SNAP25: variants seen among roughly 807,000 people sequenced by gnomAD.
SNAP25 encodes the protein synaptosome associated protein 25.
SNAP25 carries 3 observed loss-of-function variants against 28.7 expected under a neutral mutation model. That is an observed-to-expected ratio of 0.10 (90% confidence interval 0.05 to 0.27). The LOEUF (loss-of-function observed/expected upper bound fraction) is 0.27, where lower values mean the gene tolerates loss of function less well. SNAP25 is among the 10% of genes least tolerant of loss of function. The pLI, the probability that SNAP25 is intolerant of heterozygous loss-of-function variation, is 1.00. For synonymous variants in SNAP25, 61 were observed against 88.1 expected (o/e 0.69, Z 1.72); for missense variants, 117 against 278.7 (o/e 0.42, Z 4.13).
At chr20:10,299,875 A>G (rs77615545) in intron 7 of SNAP25, among the ~76,000 whole-genome samples, 4,888 of 152,340 alleles carry the variant, frequency 0.032, 258 homozygotes, top group African/African-American at 0.11. Flanking sequence ...CTTTGAATTG[A>G]ATCTTGAAGG....
In SNAP25 at chr20:10,285,686, G is replaced by T. The variant is rs143670687; in HGVS notation, c.163+914G>T. Among the ~76,000 whole-genome samples the T allele has an allele frequency of 1.6e-3, 250 of 151,892 alleles. 2 individuals carry two copies. The highest frequency in any genetic ancestry group is 5.6e-3 in the African/African-American group (230 of 41,358). ...ACTCTAAGCATAAATCTCAAGCTGT[G>T]GGGGGGAACGTGCCTGACAGATAAC... On this transcript the variant is annotated intron_variant, in intron 4 of 7. Coordinates refer to ENST00000254976, the MANE Select transcript of SNAP25 (RefSeq NM_130811.4).
In SNAP25 at chr20:10,293,910, G is replaced by A. The variant is rs556027240; in HGVS notation, c.281+632G>A. Among the ~76,000 whole-genome samples, 23 of 152,276 alleles carry A rather than the reference G, an allele frequency of 1.5e-4. No individual in the cohort carries two copies. The highest frequency in any genetic ancestry group is 8.3e-4 in the South Asian group (4 of 4,826). On this transcript the variant is annotated intron_variant, in intron 5 of 7. Transcript: ENST00000254976. This position sits in a 1 kb window ranked among gnomAD's most constrained non-coding sequence, Gnocchi z 5.6. Reference sequence around the variant, plus strand: ...ATTTTTCTCCTTGGAAGATCTACCCGTACACTGGCTGAAATGTTGAAATGT... The same window carrying A: ...ATTTTTCTCCTTGGAAGATCTACCCATACACTGGCTGAAATGTTGAAATGT...
At chr20:10,257,484 G>A (rs148293728) in intron 1 of SNAP25, among the ~76,000 whole-genome samples, 1,762 of 152,168 alleles carry the variant, frequency 0.012, 23 homozygotes, top group Middle Eastern at 0.017. Context: ...AGGCCGAGGC[G>A]GGCGGATCAC....
chr20:10,236,963 A>C (rs1166572484), intron 1 of SNAP25, among the ~76,000 whole-genome samples: 2 of 143,802 alleles, frequency 1.4e-5, no homozygotes, highest in Non-Finnish European at 3.0e-5. Context: ...AAAATACATA[A>C]ATAAATAAAT....
At chr20:10,294,836 A>G (rs1161105535) in intron 5 of SNAP25, among the ~76,000 whole-genome samples, 2 of 152,004 alleles carry the variant, frequency 1.3e-5, no homozygotes, top group Non-Finnish European at 2.9e-5. Flanking sequence ...CAGTTAGTCA[A>G]GATTTGACTG....
intron 1 of SNAP25, among the ~76,000 whole-genome samples, chr20:10,230,652 C>T (rs2062813165): frequency 6.6e-6 from 1 of 152,096 alleles, no homozygotes; most frequent in Non-Finnish European, 1.5e-5. Context: ...AGAACCACTG[C>T]CCTAGAGATC....
intron 7 of SNAP25, among the ~76,000 whole-genome samples, chr20:10,300,462 G>T (rs530222443): frequency 8.6e-4 from 131 of 152,270 alleles, no homozygotes; most frequent in African/African-American, 2.8e-3. Context: ...AACTTATGTT[G>T]TGTGTTTATT....
rs758885481 is a variant in SNAP25 at position 10,275,573 on chromosome 20, G to GGA, written c.72+13_72+14dup. 29 of 1,585,502 alleles carry GGA rather than the reference G, an allele frequency of 1.8e-5. No individual in the cohort carries two copies. In the East Asian group the frequency reaches 6.6e-4, roughly 36 times the overall value. ...CCAGTTGGCTGATGAGGTAAGGAGT[G>GGA]GAGACCTAGGAAGGGAGGCAAAAGA... On this transcript the variant is annotated intron_variant, in intron 2 of 7. Coordinates refer to ENST00000254976, the MANE Select transcript of SNAP25 (RefSeq NM_130811.4).
At chr20:10,244,172 A>C (rs1422978049) in intron 1 of SNAP25, among the ~76,000 whole-genome samples, 1 of 152,210 alleles carries the variant, frequency 6.6e-6, no homozygotes, top group Non-Finnish European at 1.5e-5. Flanking sequence ...GCAAACATTC[A>C]ACAAATGTTC....
At chr20:10,229,063 T>G (rs975706718) in intron 1 of SNAP25, among the ~76,000 whole-genome samples, 2 of 152,146 alleles carry the variant, frequency 1.3e-5, no homozygotes, top group Non-Finnish European at 2.9e-5. Flanking sequence ...GAGGCCCAGT[T>G]GTTATTTAAA....
At chr20:10,245,691 T>TAC (rs34503380) in intron 1 of SNAP25, among the ~76,000 whole-genome samples, 8,521 of 150,950 alleles carry the variant, frequency 0.056, 668 homozygotes, top group African/African-American at 0.18. Context: ...CTTCATCTTA[T>TAC]ACACACACAC....
intron 1 of SNAP25, among the ~76,000 whole-genome samples, chr20:10,254,799 C>T (rs766039066): frequency 7.6e-4 from 116 of 152,248 alleles, no homozygotes; most frequent in African/African-American, 2.5e-3. Flanking sequence ...ATACCTGCCT[C>T]GGGTCTGGAA....
intron 1 of SNAP25, among the ~76,000 whole-genome samples, chr20:10,273,095 C>T (rs768681457): frequency 2.6e-5 from 4 of 152,214 alleles, no homozygotes; most frequent in Non-Finnish European, 5.9e-5. Context: ...AGATCTAGGA[C>T]CTGCCTCTGG....
chr20:10,305,408 G>A (rs905061656), intron 7 of SNAP25, among the ~76,000 whole-genome samples: 5 of 152,134 alleles, frequency 3.3e-5, no homozygotes, highest in African/African-American at 1.2e-4. Flanking sequence ...CAGGCATGGT[G>A]GCATGCACCT....
At chr20:10,290,756 G>C (rs2063979871) in intron 4 of SNAP25, among the ~76,000 whole-genome samples, 1 of 152,122 alleles carries the variant, frequency 6.6e-6, no homozygotes, top group South Asian at 2.1e-4. Context: ...TATTTCAGCT[G>C]TCATTAGCTG....
At chr20:10,253,874 G>T (rs577090705) in intron 1 of SNAP25, among the ~76,000 whole-genome samples, 2 of 152,284 alleles carry the variant, frequency 1.3e-5, no homozygotes, top group East Asian at 1.9e-4. Flanking sequence ...CCACAAAGGG[G>T]CTGACCAGGC....
chr20:10,244,169 T>G (rs1472341886), intron 1 of SNAP25, among the ~76,000 whole-genome samples: 1 of 152,210 alleles, frequency 6.6e-6, no homozygotes, highest in Non-Finnish European at 1.5e-5. Flanking sequence ...GGTGCAAACA[T>G]TCAACAAATG....
chr20:10,295,554 T>C (rs1171139423), intron 5 of SNAP25, among the ~76,000 whole-genome samples: 1 of 152,148 alleles, frequency 6.6e-6, no homozygotes, highest in South Asian at 2.1e-4. Context: ...TTGCTGAAAT[T>C]CCATTGGTAC....
chr20:10,298,348 C>T (rs1348612780), intron 6 of SNAP25, among the ~76,000 whole-genome samples: 1 of 152,136 alleles, frequency 6.6e-6, no homozygotes, highest in African/African-American at 2.4e-5. Flanking sequence ...TTTTCTCTGC[C>T]CTGGGCTGCT....
Sources: allele counts gnomAD v4.1 joint callset (sites outside exome capture counted in the v4.1 genomes callset), GRCh38; gene constraint gnomAD v4.1.1; non-coding constraint Gnocchi (gnomAD v3.1); transcripts MANE v1.5; gene names NCBI Gene and HGNC (gene_info 2026-07-23, HGNC 2026-07-21).